Variants in PTPRG observed in about 807,000 individuals in gnomAD.
The protein encoded by PTPRG is receptor-type tyrosine-protein phosphatase gamma.
In PTPRG, 102 loss-of-function variants were observed where a neutral mutation model predicts 165.3. The observed-to-expected ratio is 0.62, with a 90% CI of 0.53 to 0.73. PTPRG has a LOEUF of 0.73. Among genes scored for constraint, PTPRG ranks in the 30% least tolerant of loss-of-function variants. The pLI is 0.00. For missense variants in PTPRG, 1,866 were observed against 1,861.4 expected (o/e 1.00, Z -0.05); for synonymous variants, 675 against 669.5 (o/e 1.01, Z -0.13).
intron 16 of PTPRG, chr3:62,260,850 C>T (rs1701674355): frequency 6.6e-6 from 1 of 152,150 alleles, no homozygotes; most frequent in South Asian, 2.1e-4. Flanking sequence ...CTCAGGCAAA[C>T]CCCATGGGTT....
intron 2 of PTPRG, among the ~76,000 whole-genome samples, chr3:61,926,738 T>G (rs2039223359): frequency 6.6e-6 from 1 of 152,040 alleles, no homozygotes; most frequent in Non-Finnish European, 1.5e-5. Flanking sequence ...AATTCCAGTT[T>G]GTAGTGATAT....
At chr3:62,285,951 C>T (rs978132397) in intron 28 of PTPRG, among the ~76,000 whole-genome samples, 2 of 152,140 alleles carry the variant, frequency 1.3e-5, no homozygotes, top group African/African-American at 4.8e-5. Flanking sequence ...TATTCATACC[C>T]ATTCTGTCAT....
At chr3:61,972,187 C>T (rs962466068) in intron 2 of PTPRG, among the ~76,000 whole-genome samples, 6 of 152,164 alleles carry the variant, frequency 3.9e-5, no homozygotes, top group African/African-American at 1.4e-4. Context: ...GACTGAGTTG[C>T]CTGTTACTCT....
chr3:61,852,473 T>G (rs570058399), intron 2 of PTPRG, among the ~76,000 whole-genome samples: 1 of 152,346 alleles, frequency 6.6e-6, no homozygotes, highest in African/African-American at 2.4e-5. Flanking sequence ...ACTTGCATAC[T>G]TCGGATTTTC....
intron 2 of PTPRG, among the ~76,000 whole-genome samples, chr3:61,833,567 CTT>C (rs2036369939): frequency 6.6e-6 from 1 of 151,958 alleles, no homozygotes; most frequent in African/African-American, 2.4e-5. Context: ...CCTTTCTTTT[CTT>C]TTTCTTTTTT....
chr3:61,897,122 ATCATGCTCTTAGTGT>A (rs1199033173), intron 2 of PTPRG, among the ~76,000 whole-genome samples: 3 of 151,956 alleles, frequency 2.0e-5, no homozygotes, highest in Admixed American at 2.0e-4. Context: ...CCTTTTATAG[ATCATGCTCTTAGTGT>A]TCAGGTCTAA....
intron 2 of PTPRG, among the ~76,000 whole-genome samples, chr3:61,837,541 A>C (rs2036506009): frequency 6.6e-6 from 1 of 152,216 alleles, no homozygotes; most frequent in Admixed American, 6.5e-5. Flanking sequence ...GTGCAGCCTG[A>C]ATAGTACGTC....
rs116441627 is a variant in PTPRG at position 61,616,991 on chromosome 3, A to G, written c.85+54619A>G. 4.4e-3 allele frequency among the ~76,000 whole-genome samples: 674 copies of G among 152,350 alleles called. 1 individual carries two copies. The highest frequency in any genetic ancestry group is 6.4e-3 in the Non-Finnish European group (434 of 68,036). ...AAAGTAGGTAGACAGAGAAGATAGC[A>G]AAAGAGGACTGCTGGAGTTTTGGTA... On this transcript the variant is annotated intron_variant, in intron 1 of 29. Coordinates refer to ENST00000474889, the MANE Select transcript of PTPRG (RefSeq NM_002841.4).
At chr3:61,801,051 C>T (rs538715670) in intron 2 of PTPRG, among the ~76,000 whole-genome samples, 1 of 152,304 alleles carries the variant, frequency 6.6e-6, no homozygotes, top group Non-Finnish European at 1.5e-5. Flanking sequence ...GCACCGCCTG[C>T]CGTAGCTTCC....
intron 1 of PTPRG, among the ~76,000 whole-genome samples, chr3:61,697,520 C>G (rs1372689958): frequency 1.3e-5 from 2 of 152,194 alleles, no homozygotes; most frequent in African/African-American, 4.8e-5. Flanking sequence ...AAGTAGTCAC[C>G]ATGCCCAGAC....
chr3:62,080,256 A>G (rs1401295107), intron 5 of PTPRG, among the ~76,000 whole-genome samples: 1 of 141,760 alleles, frequency 7.1e-6, no homozygotes, highest in East Asian at 2.1e-4. Flanking sequence ...TTGTATTTTT[A>G]GTAGAGGCAG....
At chr3:61,607,397 G>A (rs1701041167) in intron 1 of PTPRG, among the ~76,000 whole-genome samples, 1 of 152,060 alleles carries the variant, frequency 6.6e-6, no homozygotes, top group African/African-American at 2.4e-5. Context: ...TGTGTTCTTT[G>A]GGATCCATTA....
chr3:61,703,148 CTT>C (rs200580288), intron 1 of PTPRG, among the ~76,000 whole-genome samples: 13 of 143,938 alleles, frequency 9.0e-5, no homozygotes, highest in African/African-American at 3.0e-4. Context: ...GAAGTTGAAT[CTT>C]TTTTTTTTTT....
intron 2 of PTPRG, among the ~76,000 whole-genome samples, chr3:61,876,588 G>A (rs1447432259): frequency 1.3e-5 from 2 of 152,068 alleles, no homozygotes; most frequent in Non-Finnish European, 2.9e-5. Flanking sequence ...GTAATAATTA[G>A]TATGCATAAC....
At chr3:61,781,244 G>T (rs1230620647) in intron 2 of PTPRG, among the ~76,000 whole-genome samples, 1 of 152,108 alleles carries the variant, frequency 6.6e-6, no homozygotes, top group Non-Finnish European at 1.5e-5. Context: ...GAGTAGAAGA[G>T]CCAATGAAAT....
At position 62,195,100 on chromosome 3, in the gene PTPRG, C is replaced by A; in HGVS notation, c.1257C>A (p.Tyr419Ter). 6.2e-7 allele frequency: 1 copy of A among 1,614,238 alleles called. No homozygotes were observed. The highest frequency in any genetic ancestry group is 8.5e-7 in the Non-Finnish European group (1 of 1,180,044). Reference protein sequence around the residue: ...TISHVSPDSLYLFRVQAVCRN... With the variant: ...TISHVSPDSL Reference sequence around the variant, plus strand: ...GCCATGTCTCACCCGATAGCCTTTACCTGTTCCGAGTCCAGGCCGTGTGTC... The same window carrying A: ...GCCATGTCTCACCCGATAGCCTTTAACTGTTCCGAGTCCAGGCCGTGTGTC... The change falls in exon 10 of 30, where the codon TAC (tyrosine) becomes TAA (stop). Residue 419 changes from tyrosine to a stop codon, truncating the protein, a stop_gained. Transcript: ENST00000474889. LOFTEE classifies it high-confidence loss of function. This position sits in a 1 kb window ranked among gnomAD's most constrained non-coding sequence, Gnocchi z 4.4.
At chr3:61,957,437 G>A (rs1172295620) in intron 2 of PTPRG, among the ~76,000 whole-genome samples, 1 of 152,202 alleles carries the variant, frequency 6.6e-6, no homozygotes, top group Non-Finnish European at 1.5e-5. Context: ...TGCAGTTCTA[G>A]GTGAATGATG....
rs544716692 is a variant in PTPRG, at chr3:61,745,136, C to T, written c.86-3742C>T. ...CGTGATCTCGGCTCTCTGCAAGCTCCGCCTCCTGGGTTCAAGCGATTCTCC... is the reference window on the plus strand; with the variant it reads ...CGTGATCTCGGCTCTCTGCAAGCTCTGCCTCCTGGGTTCAAGCGATTCTCC... On this transcript the variant is annotated intron_variant, in intron 1 of 29. Transcript: ENST00000474889. 4.0e-5 allele frequency among the ~76,000 whole-genome samples: 6 copies of T among 148,814 alleles called. No individual in the cohort carries two copies. In the East Asian group the frequency reaches 8.0e-4, roughly 20 times the overall value.
rs183348797 is a variant in PTPRG, at chr3:62,222,409, A to C, written c.2288+3426A>C. ...GTACAGAGCAGCCTCTGGCCATGTT[A>C]GACTTACATGTCTCCACCCCAGTGC... On this transcript the variant is annotated intron_variant, in intron 13 of 29. Transcript: ENST00000474889. The surrounding 1 kb of genome is among the most constrained non-coding windows in gnomAD (Gnocchi z 4.5). 1.9e-3 allele frequency among the ~76,000 whole-genome samples: 286 copies of C among 152,282 alleles called. 3 individuals are homozygous for C. The highest frequency in any genetic ancestry group is 6.6e-3 in the African/African-American group (273 of 41,560).
Sources: allele counts gnomAD v4.1 joint callset (sites outside exome capture counted in the v4.1 genomes callset), GRCh38; gene constraint gnomAD v4.1.1; non-coding constraint Gnocchi (gnomAD v3.1); transcripts MANE v1.5; gene names NCBI Gene and HGNC (gene_info 2026-07-23, HGNC 2026-07-21).